FAM216A: variants seen among roughly 807,000 people sequenced by gnomAD.
FAM216A encodes the protein protein FAM216A.
Under a neutral mutation model 37.6 loss-of-function variants are expected in FAM216A, and 26 were observed. The observed-to-expected ratio is 0.69, with a 90% CI of 0.51 to 0.96. FAM216A has a LOEUF of 0.96. Among genes scored for constraint, FAM216A ranks in the 40% least tolerant of loss-of-function variants. The pLI is 0.00. For synonymous variants in FAM216A, 110 were observed against 121.7 expected (o/e 0.90, Z 0.64); for missense variants, 326 against 339.3 (o/e 0.96, Z 0.31).
chr12:110,474,765 G>A (rs2062706133), intron 2 of FAM216A, among the ~76,000 whole-genome samples: 1 of 150,380 alleles, frequency 6.6e-6, no homozygotes, highest in African/African-American at 2.4e-5. Context: ...ACTTTGGGAG[G>A]CTGAGGCGGG....
rs756951845 is a variant in FAM216A, at chr12:110,485,060, T to G, written c.185-18T>G. On this transcript the variant is annotated intron_variant, in intron 2 of 6. Transcript: ENST00000377673. ...CTGATCTTTGCCTCTGAAATTCACA[T>G]GATGTCTTTGCCTACAGATAGAATC... is the stretch of plus-strand genomic sequence containing the variant. 6.3e-7 allele frequency: 1 copy of G among 1,593,338 alleles called. No homozygotes were observed. The highest frequency in any genetic ancestry group is 1.1e-5 in the South Asian group (1 of 87,204).
chr12:110,476,163 A>T (rs183743118), intron 2 of FAM216A, among the ~76,000 whole-genome samples: 42 of 152,140 alleles, frequency 2.8e-4, no homozygotes, highest in Middle Eastern at 3.4e-3. Flanking sequence ...AGCCAAAAAT[A>T]AAAAAAATCC....
At chr12:110,468,731 ACTCCGGGGT>A (rs2062657071), upstream of FAM216A, 2 of 1,489,882 alleles carry the variant, frequency 1.3e-6, no homozygotes, top group African/African-American at 2.8e-5. Context: ...CCCCACCGTA[ACTCCGGGGT>A]CGCGGATCTG....
At chr12:110,481,939 G>A (rs543761630) in intron 2 of FAM216A, among the ~76,000 whole-genome samples, 4 of 151,954 alleles carry the variant, frequency 2.6e-5, no homozygotes, top group Non-Finnish European at 5.9e-5. Flanking sequence ...CCATTTCTTG[G>A]TCAACTAGTT....
At chr12:110,469,393 GGAA>G (rs1382732903) in intron 1 of FAM216A, 1 of 218,308 alleles carries the variant, frequency 4.6e-6, no homozygotes, top group African/African-American at 2.3e-5. Flanking sequence ...GGACAGAGGA[GGAA>G]GATGTCCCCC....
chr12:110,478,958 G>A (rs2062730714), intron 2 of FAM216A, among the ~76,000 whole-genome samples: 1 of 151,072 alleles, frequency 6.6e-6, no homozygotes, highest in Admixed American at 6.6e-5. Context: ...GGAGGCCGAG[G>A]CGGGTGGATC....
chr12:110,478,984 C>G (rs925588611), intron 2 of FAM216A, among the ~76,000 whole-genome samples: 1 of 151,546 alleles, frequency 6.6e-6, no homozygotes, highest in Non-Finnish European at 1.5e-5. Flanking sequence ...GTTAAGAGAT[C>G]GAGACCATCC....
At chr12:110,474,417 C>T (rs755014880) in intron 2 of FAM216A, among the ~76,000 whole-genome samples, 8 of 151,928 alleles carry the variant, frequency 5.3e-5, no homozygotes, top group Non-Finnish European at 7.4e-5. Context: ...AGGCCGGGCA[C>T]GGTGGCTCAC....
intron 5 of FAM216A, chr12:110,487,561 A>G (rs543250148): frequency 1.7e-5 from 5 of 291,106 alleles, no homozygotes; most frequent in South Asian, 5.1e-5. Flanking sequence ...CCTTTTCAAT[A>G]TAATTCCCAC....
At position 110,490,353 on chromosome 12, in the gene FAM216A, G is replaced by A; in HGVS notation, c.*216G>A. The A allele has an allele frequency of 2.1e-6, 1 of 479,254 alleles. No individual in the cohort carries two copies. Among genetic ancestry groups the A allele is most frequent in the South Asian group, 2.6e-5 (1 of 38,572 alleles). 29.7% of individuals were successfully genotyped at this position (479,254 alleles called of 1,614,324 possible). On this transcript the variant is annotated 3_prime_UTR_variant, in exon 7 of 7. Transcript: ENST00000377673. ...CATGTAACATATACTTGTACTTCTA[G>A]CTAGATACAATTAAAACTTTTCTTG...
At chr12:110,489,326 GA>G (rs1182848647) in intron 6 of FAM216A, among the ~76,000 whole-genome samples, 4 of 152,090 alleles carry the variant, frequency 2.6e-5, no homozygotes, top group African/African-American at 9.7e-5. Context: ...CCAACATGGA[GA>G]AACCCTGTCT....
At chr12:110,468,689 A>C, upstream of FAM216A, 1 of 1,528,530 alleles carries the variant, frequency 6.5e-7, no homozygotes. Flanking sequence ...CAAACGTGCA[A>C]ACGCTCAGCG....
chr12:110,469,282 G>C, intron 1 of FAM216A: 1 of 393,578 alleles, frequency 2.5e-6, no homozygotes. Context: ...TGCGACAGTC[G>C]CCCGCGTGCA....
intron 2 of FAM216A, among the ~76,000 whole-genome samples, chr12:110,479,531 GA>G (rs561234124): frequency 1.2e-3 from 164 of 137,072 alleles, no homozygotes; most frequent in Middle Eastern, 7.3e-3. Context: ...ACATGCTTCT[GA>G]AAAAAAAAAA....
At chr12:110,478,615 G>A (rs527918783) in intron 2 of FAM216A, among the ~76,000 whole-genome samples, 122 of 152,232 alleles carry the variant, frequency 8.0e-4, no homozygotes, top group Non-Finnish European at 1.3e-3. Flanking sequence ...AGAGCCACAT[G>A]TCAAGGAAAT....
rs1334900617 is a variant in FAM216A at position 110,483,142 on chromosome 12, A to G, written c.185-1936A>G. ...AGATCAAGACCATACTGGCTAACAC[A>G]GTGAAACGCCGTCTCTACTAAAAAT... On this transcript the variant is annotated intron_variant, in intron 2 of 6. Transcript: ENST00000377673. Among the ~76,000 whole-genome samples, 26 of 151,826 alleles carry G rather than the reference A, an allele frequency of 1.7e-4. No homozygotes were observed. The South Asian group carries it at 4.8e-3, about 28-fold the overall frequency.
intron 5 of FAM216A, chr12:110,487,194 G>A: frequency 6.5e-6 from 1 of 153,712 alleles, no homozygotes; most frequent in East Asian, 1.9e-4. Context: ...AAGTGCACTG[G>A]CGCGATCTCG....
chr12:110,483,871 A>C (rs1459451966), intron 2 of FAM216A, among the ~76,000 whole-genome samples: 1 of 152,156 alleles, frequency 6.6e-6, no homozygotes, highest in Non-Finnish European at 1.5e-5. Flanking sequence ...ATGTAAAAAT[A>C]AATTTTGATA....
rs1209086570 is a variant in FAM216A, at chr12:110,477,933, T to A, written c.184+4815T>A. On this transcript the variant is annotated intron_variant, in intron 2 of 6. Coordinates refer to ENST00000377673, the MANE Select transcript of FAM216A (RefSeq NM_013300.3). The stretch of plus-strand genomic sequence containing the variant: ...CATGTTAGCCAAGATGGTCTCAATC[T>A]CCTGACCTTGTGATCTGCCCACCTC... Among the ~76,000 whole-genome samples the A allele has an allele frequency of 3.3e-5, 5 of 151,970 alleles. No individual in the cohort carries two copies. The South Asian group carries it at 6.2e-4, about 19-fold the overall frequency.
Sources: allele counts gnomAD v4.1 joint callset (sites outside exome capture counted in the v4.1 genomes callset), GRCh38; gene constraint gnomAD v4.1.1; transcripts MANE v1.5; gene names NCBI Gene and HGNC (gene_info 2026-07-23, HGNC 2026-07-21).